Variants in SLC30A8 observed in about 807,000 individuals in gnomAD.
SLC30A8 encodes the protein solute carrier family 30 member 8.
A neutral mutation model predicts 36.9 loss-of-function variants in SLC30A8; 27 were observed. The observed-to-expected ratio is 0.73, with a 90% CI of 0.54 to 1.01. The LOEUF (loss-of-function observed/expected upper bound fraction) is 1.01, where lower values mean the gene tolerates loss of function less well. SLC30A8 is among the 50% of genes least tolerant of loss of function. The probability of loss-of-function intolerance (pLI) is 0.00; values close to 1 mark genes in which losing one functional copy is unlikely to be tolerated. For missense variants in SLC30A8, 439 were observed against 452.0 expected, an observed-to-expected ratio of 0.97 and a Z score of 0.26; for synonymous variants, 164 against 172.4, an observed-to-expected ratio of 0.95 and a Z score of 0.38.
chr8:117,001,925 C>T lies in SLC30A8; in HGVS notation c.-265-37294C>T, dbSNP rs1434789193. ...CAATGGTTTATTTATAAACCATTCT[C>T]TAAACAGAAGCTTAGGGAATGGTTT... On this transcript the variant is annotated intron_variant, in intron 1 of 10. Coordinates refer to the SLC30A8 transcript ENST00000427715. Among the ~76,000 whole-genome samples, 3 of 152,142 alleles carry T rather than the reference C, an allele frequency of 2.0e-5. No individual in the cohort carries two copies. In the East Asian group the frequency reaches 5.8e-4, roughly 29 times the overall value.
intron 1 of SLC30A8, among the ~76,000 whole-genome samples, chr8:116,965,064 G>A (rs898703630): frequency 3.3e-5 from 5 of 152,174 alleles, no homozygotes; most frequent in South Asian, 2.1e-4. Context: ...TGCCTCCCAA[G>A]TAGCTGAGAT....
chr8:116,951,706 C>G (rs1813997235), intron 1 of SLC30A8, among the ~76,000 whole-genome samples: 1 of 152,096 alleles, frequency 6.6e-6, no homozygotes, highest in Non-Finnish European at 1.5e-5. Context: ...TATTGAACAG[C>G]ATGAATCTAA....
In SLC30A8 at chr8:117,171,016, T is replaced by C. The variant is rs1427750132; in HGVS notation, c.830-18T>C. 6.4e-7 allele frequency: 1 copy of C among 1,569,838 alleles called. No homozygotes were observed. The highest frequency in any genetic ancestry group is 2.2e-5 in the East Asian group (1 of 44,472). ...TCTAGTTGAATAACTACAGCCTCCA[T>C]CTCTTCCCTTTTGTCAGGTGTGCCA... On this transcript the variant is annotated intron_variant, in intron 6 of 7. Coordinates refer to ENST00000456015, the MANE Select transcript of SLC30A8 (RefSeq NM_173851.3).
In SLC30A8 at chr8:117,072,791, AC is replaced by A. The variant is rs1818370382; in HGVS notation, c.-226+33538del. Among the ~76,000 whole-genome samples, 3 of 148,822 alleles carry A rather than the reference AC, an allele frequency of 2.0e-5. No homozygotes were observed. In the South Asian group the frequency reaches 6.4e-4, roughly 32 times the overall value. On this transcript the variant is annotated intron_variant, in intron 2 of 10. Transcript: ENST00000427715. ...ATCTTCATAAGCCAATAGCAATTTC[AC>A]CCCCTACCAAAGAAAAAAACTGCTC...
At chr8:117,116,227 C>T (rs991720612) in intron 2 of SLC30A8, among the ~76,000 whole-genome samples, 1 of 151,968 alleles carries the variant, frequency 6.6e-6, no homozygotes, top group South Asian at 2.1e-4. Flanking sequence ...GAATTTTGTT[C>T]TGAGTGTAAT....
intron 2 of SLC30A8, among the ~76,000 whole-genome samples, chr8:117,080,131 A>G (rs1200531300): frequency 6.6e-6 from 1 of 151,966 alleles, no homozygotes. Flanking sequence ...TCTTAACCTG[A>G]TATCTGGTAC....
intron 6 of SLC30A8, among the ~76,000 whole-genome samples, chr8:117,165,187 A>G (rs559635217): frequency 2.0e-4 from 30 of 152,196 alleles, no homozygotes; most frequent in Non-Finnish European, 3.4e-4. Context: ...TCTCCTCTGA[A>G]CTTCAGTTTC....
intron 1 of SLC30A8, among the ~76,000 whole-genome samples, chr8:116,954,065 TAGG>T (rs1814098030): frequency 2.0e-5 from 3 of 152,224 alleles, no homozygotes; most frequent in Non-Finnish European, 2.9e-5. Flanking sequence ...TAGAAATAAT[TAGG>T]AGAAGAATAA....
chr8:117,059,714 G>A (rs1423355179), intron 2 of SLC30A8, among the ~76,000 whole-genome samples: 1 of 152,200 alleles, frequency 6.6e-6, no homozygotes, highest in Non-Finnish European at 1.5e-5. Context: ...GAATTCATTT[G>A]TAAAGTTACT....
At chr8:117,103,481 G>C (rs1213494306) in intron 2 of SLC30A8, among the ~76,000 whole-genome samples, 1 of 151,694 alleles carries the variant, frequency 6.6e-6, no homozygotes, top group Non-Finnish European at 1.5e-5. Context: ...AACATACTTT[G>C]TTTGTTTGTT....
intron 1 of SLC30A8, among the ~76,000 whole-genome samples, chr8:116,969,366 C>T (rs918313491): frequency 6.6e-6 from 1 of 152,134 alleles, no homozygotes; most frequent in Non-Finnish European, 1.5e-5. Flanking sequence ...TGCAGTGAGT[C>T]CAGATTGTGC....
At chr8:117,156,055 T>TC (rs1288817356) in intron 3 of SLC30A8, among the ~76,000 whole-genome samples, 2 of 152,056 alleles carry the variant, frequency 1.3e-5, no homozygotes, top group East Asian at 3.9e-4. Flanking sequence ...TTTTTTTTTT[T>TC]TTGAGACAGA....
chr8:116,976,956 C>T (rs1815051593), intron 1 of SLC30A8, among the ~76,000 whole-genome samples: 1 of 147,310 alleles, frequency 6.8e-6, no homozygotes, highest in Non-Finnish European at 1.5e-5. Flanking sequence ...AGCTGGGATA[C>T]TGCAAGCATG....
At chr8:117,162,707 A>C (rs1214818823) in intron 5 of SLC30A8, among the ~76,000 whole-genome samples, 2 of 152,232 alleles carry the variant, frequency 1.3e-5, no homozygotes, top group African/African-American at 4.8e-5. Flanking sequence ...CAAAATGATC[A>C]CTGAAAGCTT....
At chr8:117,009,111 C>T (rs1391941527) in intron 1 of SLC30A8, among the ~76,000 whole-genome samples, 1 of 152,196 alleles carries the variant, frequency 6.6e-6, no homozygotes, top group East Asian at 1.9e-4. Flanking sequence ...TAATCAAAAT[C>T]CCCTGCTTAG....
At chr8:117,133,794 A>C (rs1821235850), upstream of SLC30A8, among the ~76,000 whole-genome samples, 1 of 152,012 alleles carries the variant, frequency 6.6e-6, no homozygotes, top group South Asian at 2.1e-4. Context: ...GTAAGAATAT[A>C]CGAGAAAAAA....
At chr8:117,053,160 G>C (rs1394966414) in intron 2 of SLC30A8, among the ~76,000 whole-genome samples, 1 of 152,050 alleles carries the variant, frequency 6.6e-6, no homozygotes, top group African/African-American at 2.4e-5. Context: ...TGATCTGCCG[G>C]CCTCGTGATC....
intron 2 of SLC30A8, among the ~76,000 whole-genome samples, chr8:117,118,141 T>C (rs2130893304): frequency 6.6e-6 from 1 of 150,688 alleles, no homozygotes; most frequent in East Asian, 2.0e-4. Flanking sequence ...TTTGGGTTAC[T>C]TTTTCAGTTC....
intron 1 of SLC30A8, among the ~76,000 whole-genome samples, chr8:116,958,471 T>C (rs949815125): frequency 6.6e-6 from 1 of 152,200 alleles, no homozygotes; most frequent in Non-Finnish European, 1.5e-5. Flanking sequence ...CTGACAGTCT[T>C]TTCTTTCAGT....
Sources: allele counts gnomAD v4.1 joint callset (sites outside exome capture counted in the v4.1 genomes callset), GRCh38; gene constraint gnomAD v4.1.1; transcripts MANE v1.5; gene names NCBI Gene and HGNC (gene_info 2026-07-23, HGNC 2026-07-21).